PPP1R12B: variants seen among roughly 807,000 people sequenced by gnomAD.
PPP1R12B encodes the protein myosin phosphatase target subunit 2.
A neutral mutation model predicts 126.1 loss-of-function variants in PPP1R12B; 76 were observed. That is an observed-to-expected ratio of 0.60 (90% CI 0.50 to 0.73). The LOEUF (loss-of-function observed/expected upper bound fraction) is 0.73. Among genes scored for constraint, PPP1R12B ranks in the 30% least tolerant of loss-of-function variants. The probability of loss-of-function intolerance (pLI) is 0.00; values close to 1 mark genes in which losing one functional copy is unlikely to be tolerated. For synonymous variants in PPP1R12B, 356 were observed against 434.7 expected (o/e 0.82, Z 2.25); for missense variants, 1,052 against 1,205.1 (o/e 0.87, Z 1.88).
intron 18 of PPP1R12B, among the ~76,000 whole-genome samples, chr1:202,517,414 A>T (rs1183646419): frequency 6.6e-6 from 1 of 152,206 alleles, no homozygotes; most frequent in Non-Finnish European, 1.5e-5. Flanking sequence ...TCAGCTATGT[A>T]TTTACGTTAG....
chr1:202,567,261 A>G (rs745485454), intron 21 of PPP1R12B, among the ~76,000 whole-genome samples: 1 of 152,246 alleles, frequency 6.6e-6, no homozygotes, highest in Non-Finnish European at 1.5e-5. Flanking sequence ...CTGCTGCTCT[A>G]AAAGAAAAAT....
At chr1:202,500,458 G>A (rs1483955478) in intron 18 of PPP1R12B, among the ~76,000 whole-genome samples, 1 of 152,158 alleles carries the variant, frequency 6.6e-6, no homozygotes, top group African/African-American at 2.4e-5. Context: ...GATCCTGGAA[G>A]CCATTATGTT....
chr1:202,527,449 T>C (rs1683463439), intron 18 of PPP1R12B: 1 of 152,180 alleles, frequency 6.6e-6, no homozygotes, highest in South Asian at 2.1e-4. Flanking sequence ...AAAGCTGATC[T>C]AGAGAAAAAC....
intron 1 of PPP1R12B, among the ~76,000 whole-genome samples, chr1:202,356,648 T>A (rs991681824): frequency 6.6e-6 from 1 of 151,988 alleles, no homozygotes; most frequent in Non-Finnish European, 1.5e-5. Context: ...GGAGATGTGA[T>A]GAAGGAAGCA....
chr1:202,580,599 T>A lies in PPP1R12B; in HGVS notation c.*39T>A. ...TTTATGAGGAAAGAAAGGGACAGCA[T>A]TTGCTGCCCCCACCCCTCTTTTCCA... On this transcript the variant is annotated 3_prime_UTR_variant, in exon 24 of 24. Transcript: ENST00000608999. 6 of 1,500,194 alleles carry A rather than the reference T, an allele frequency of 4.0e-6. No homozygotes were observed. The highest frequency in any genetic ancestry group is 5.6e-6 in the Non-Finnish European group (6 of 1,076,226). 92.9% of individuals were successfully genotyped at this position (1,500,194 alleles called of 1,614,324 possible).
chr1:202,484,741 A>G (rs1415054180), intron 13 of PPP1R12B, among the ~76,000 whole-genome samples: 1 of 152,154 alleles, frequency 6.6e-6, no homozygotes, highest in East Asian at 1.9e-4. Context: ...TTGGTGGTTG[A>G]TAGCTCTGCT....
intron 3 of PPP1R12B, among the ~76,000 whole-genome samples, chr1:202,424,651 A>C (rs1268257801): frequency 1.3e-5 from 2 of 152,166 alleles, no homozygotes; most frequent in Admixed American, 6.5e-5. Flanking sequence ...GAAAGGGAGT[A>C]GACCAAGCAC....
At chr1:202,467,574 T>C (rs1308116525) in intron 13 of PPP1R12B, among the ~76,000 whole-genome samples, 2 of 152,240 alleles carry the variant, frequency 1.3e-5, no homozygotes, top group East Asian at 3.8e-4. Flanking sequence ...TATGGCTGCA[T>C]AGTATTCCAT....
intron 1 of PPP1R12B, among the ~76,000 whole-genome samples, chr1:202,379,350 C>T (rs1245384150): frequency 6.6e-6 from 1 of 152,208 alleles, no homozygotes; most frequent in Non-Finnish European, 1.5e-5. Flanking sequence ...GAACTGTATC[C>T]TCCAAAGAGC....
At position 202,402,316 on chromosome 1, in the gene PPP1R12B, C is replaced by T. The variant is rs574414305; in HGVS notation, c.292-14471C>T. Among the ~76,000 whole-genome samples, 9 of 152,258 alleles carry T rather than the reference C, an allele frequency of 5.9e-5. No individual in the cohort carries two copies. The East Asian group carries it at 1.5e-3, about 26-fold the overall frequency. On this transcript the variant is annotated intron_variant, in intron 1 of 23. Transcript: ENST00000608999. Reference sequence around the variant, plus strand: ...ACCTTGGTACTACCAGTAAGCTAGTCGGGGAGAGTGGAATCTAACTCTTCT... The same window carrying T: ...ACCTTGGTACTACCAGTAAGCTAGTTGGGGAGAGTGGAATCTAACTCTTCT...
At chr1:202,569,431 G>C (rs1373691770) in intron 23 of PPP1R12B, among the ~76,000 whole-genome samples, 1 of 152,054 alleles carries the variant, frequency 6.6e-6, no homozygotes, top group African/African-American at 2.4e-5. Flanking sequence ...TACTGCCTTT[G>C]GTTTAAGGAG....
intron 13 of PPP1R12B, among the ~76,000 whole-genome samples, chr1:202,487,277 C>T (rs1372949297): frequency 6.6e-6 from 1 of 152,206 alleles, no homozygotes; most frequent in Non-Finnish European, 1.5e-5. Flanking sequence ...CTCTCTTAGC[C>T]TATTTTCTAT....
At chr1:202,474,535 C>T (rs10920409) in intron 13 of PPP1R12B, among the ~76,000 whole-genome samples, 65,951 of 151,986 alleles carry the variant, frequency 0.43, 15,683 homozygotes, top group East Asian at 0.71. Flanking sequence ...GCCTCGGCCT[C>T]CTAAAATGCT....
intron 18 of PPP1R12B, among the ~76,000 whole-genome samples, chr1:202,535,041 ATGTGTGTGTGTGTATGTGTGTGTG>A (rs1684391232): frequency 1.3e-5 from 2 of 149,928 alleles, no homozygotes; most frequent in African/African-American, 4.9e-5. Context: ...ATGGATGATT[ATGTGTGTGTGTGTATGTGTGTGTG>A]TGTGTGTGTG....
chr1:202,445,092 G>C (rs1672073945), intron 12 of PPP1R12B: 1 of 1,247,174 alleles, frequency 8.0e-7, no homozygotes, highest in Non-Finnish European at 1.0e-6. Flanking sequence ...CTACATTTCA[G>C]CCAATCGCAA....
At chr1:202,365,893 G>T (rs1268821925) in intron 1 of PPP1R12B, among the ~76,000 whole-genome samples, 1 of 152,100 alleles carries the variant, frequency 6.6e-6, no homozygotes, top group African/African-American at 2.4e-5. Flanking sequence ...AGGAGGCTAA[G>T]GCGGGAGGAT....
chr1:202,507,984 G>T (rs1681012942), intron 18 of PPP1R12B, among the ~76,000 whole-genome samples: 1 of 152,188 alleles, frequency 6.6e-6, no homozygotes, highest in South Asian at 2.1e-4. Context: ...GCCCCAGCAG[G>T]AATGTTGAGC....
chr1:202,577,005 A>C (rs779687301), intron 23 of PPP1R12B: 14 of 152,306 alleles, frequency 9.2e-5, no homozygotes, highest in Non-Finnish European at 1.6e-4. Flanking sequence ...ATGTGGCCCA[A>C]ACAATGCAAG....
intron 2 of PPP1R12B, among the ~76,000 whole-genome samples, chr1:202,421,402 C>T (rs894413511): frequency 1.8e-4 from 27 of 150,484 alleles, no homozygotes; most frequent in Admixed American, 1.3e-3. Flanking sequence ...TTTGGGAGGC[C>T]GAGGCGGGCG....
Sources: allele counts gnomAD v4.1 joint callset (sites outside exome capture counted in the v4.1 genomes callset), GRCh38; gene constraint gnomAD v4.1.1; transcripts MANE v1.5; gene names NCBI Gene and HGNC (gene_info 2026-07-23, HGNC 2026-07-21).